SLC2A13: variants seen among roughly 807,000 people sequenced by gnomAD.
SLC2A13 encodes proton myo-inositol cotransporter.
Under a neutral mutation model 64.4 loss-of-function variants are expected in SLC2A13, and 32 were observed. That is an observed-to-expected ratio of 0.50 (90% CI 0.37 to 0.67). SLC2A13 has a LOEUF of 0.67. Among genes scored for constraint, SLC2A13 ranks in the 30% least tolerant of loss-of-function variants. The pLI is 0.00. For synonymous variants in SLC2A13, 338 were observed against 327.1 expected (o/e 1.03, Z -0.36); for missense variants, 743 against 829.2 (o/e 0.90, Z 1.28).
At chr12:40,023,078 T>C (rs1333302553) in intron 3 of SLC2A13, among the ~76,000 whole-genome samples, 1 of 152,228 alleles carries the variant, frequency 6.6e-6, no homozygotes, top group Non-Finnish European at 1.5e-5. Flanking sequence ...GCTGTCCTAA[T>C]AACCTCATTC....
At chr12:39,820,775 A>ATATC (rs1942481026) in intron 7 of SLC2A13, among the ~76,000 whole-genome samples, 1 of 50,378 alleles carries the variant, frequency 2.0e-5, no homozygotes, top group Admixed American at 2.3e-4. Flanking sequence ...ATATATATAT[A>ATATC]TAAAGCAACA....
intron 3 of SLC2A13, among the ~76,000 whole-genome samples, chr12:39,965,020 AG>A (rs1946483138): frequency 6.6e-6 from 1 of 152,204 alleles, no homozygotes; most frequent in Non-Finnish European, 1.5e-5. Context: ...ACAAATTTTC[AG>A]GAAAAAAACC....
Position 39,895,813 on chromosome 12 carries a change from T to C in SLC2A13, c.1035-23852A>G, listed in dbSNP as rs560893299. Among the ~76,000 whole-genome samples, 371 of 86,934 alleles carry C rather than the reference T, an allele frequency of 4.3e-3. 98 individuals carry two copies. Among genetic ancestry groups the C allele is most frequent in the African/African-American group, 0.019 (353 of 18,644 alleles). 57.0% of individuals were successfully genotyped at this position (86,934 alleles called of 152,430 possible). The stretch of plus-strand genomic sequence containing the variant: ...ACACACATGTATATGCGTGTATACG[T>C]ACACACATGTATATGCGTGTATATG... On this transcript the variant is annotated intron_variant, in intron 4 of 9. Transcript: ENST00000280871.
intron 3 of SLC2A13, among the ~76,000 whole-genome samples, chr12:39,986,493 C>A (rs1947033845): frequency 6.6e-6 from 1 of 151,640 alleles, no homozygotes; most frequent in South Asian, 2.1e-4. Context: ...CAGATTGATA[C>A]TTTTGTTAAA....
At chr12:40,078,755 C>G (rs1463768887) in intron 1 of SLC2A13, among the ~76,000 whole-genome samples, 1 of 152,176 alleles carries the variant, frequency 6.6e-6, no homozygotes, top group Non-Finnish European at 1.5e-5. Context: ...GTAAATCCCT[C>G]TGGTCCAGGG....
intron 4 of SLC2A13, among the ~76,000 whole-genome samples, chr12:39,891,653 G>C (rs1592247367): frequency 6.6e-6 from 1 of 152,060 alleles, no homozygotes; most frequent in East Asian, 1.9e-4. Flanking sequence ...AATCCTTAAG[G>C]TATGTATTAC....
chr12:39,838,406 G>T (rs1324888633), intron 6 of SLC2A13, among the ~76,000 whole-genome samples: 2 of 147,420 alleles, frequency 1.4e-5, no homozygotes, highest in Non-Finnish European at 3.0e-5. Flanking sequence ...ACGAGTTAGT[G>T]GGTGCAGCGC....
intron 4 of SLC2A13, among the ~76,000 whole-genome samples, chr12:39,926,088 G>A (rs1945724067): frequency 6.6e-6 from 1 of 152,092 alleles, no homozygotes; most frequent in Non-Finnish European, 1.5e-5. Flanking sequence ...CTGAAGCAAA[G>A]ATTATTGGAA....
chr12:39,804,802 A>G (rs1489628763), intron 7 of SLC2A13, among the ~76,000 whole-genome samples: 1 of 152,170 alleles, frequency 6.6e-6, no homozygotes, highest in Admixed American at 6.5e-5. Context: ...TTATATTTAC[A>G]TGTTAAATAT....
At chr12:39,877,461 C>T (rs533845276) in intron 4 of SLC2A13, among the ~76,000 whole-genome samples, 1 of 152,312 alleles carries the variant, frequency 6.6e-6, no homozygotes, top group Admixed American at 6.5e-5. Flanking sequence ...ATTACAGGAG[C>T]TACAATTCAA....
chr12:39,876,592 G>T (rs1944189843), intron 4 of SLC2A13, among the ~76,000 whole-genome samples: 1 of 152,072 alleles, frequency 6.6e-6, no homozygotes, highest in Admixed American at 6.6e-5. Context: ...ATAATAGAGA[G>T]GTAGAACATG....
intron 7 of SLC2A13, among the ~76,000 whole-genome samples, chr12:39,809,234 G>C (rs1019549072): frequency 4.6e-5 from 7 of 152,046 alleles, no homozygotes; most frequent in African/African-American, 1.7e-4. Flanking sequence ...TGCATATATG[G>C]ATCTATTTCT....
chr12:39,903,704 G>T (rs1304927942), intron 4 of SLC2A13, among the ~76,000 whole-genome samples: 1 of 152,062 alleles, frequency 6.6e-6, no homozygotes, highest in Non-Finnish European at 1.5e-5. Context: ...GAAGCAGCAG[G>T]CCCCAGAAAT....
In SLC2A13 at chr12:39,923,670, A is replaced by G. The variant is rs562092422; in HGVS notation, c.1034+27587T>C. 2.6e-3 allele frequency among the ~76,000 whole-genome samples: 336 copies of G among 128,702 alleles called. 3 individuals are homozygous for G. Among genetic ancestry groups the G allele is most frequent in the East Asian group, 2.5e-3 (12 of 4,884 alleles). The allele number at this position is 128,702 out of a possible 152,430, so 84.4% of individuals were successfully genotyped here. A position where few individuals can be genotyped will look rare whatever the true frequency, so the allele number is the denominator to read the frequency against. ...TCACAAATGTTATGTGATTATATGT[A>G]TATATATATATATATATGCGCACGC... On this transcript the variant is annotated intron_variant, in intron 4 of 9. Transcript: ENST00000280871.
rs900976405 is a variant in SLC2A13 at position 39,757,882 on chromosome 12, G to A, written c.*2144C>T. 6.6e-6 allele frequency: 1 copy of A among 152,136 alleles called. No homozygotes were observed. The highest frequency in any genetic ancestry group is 1.5e-5 in the Non-Finnish European group (1 of 67,660). The allele number at this position is 152,136 out of a possible 1,614,324, so 9.4% of individuals were successfully genotyped here. On this transcript the variant is annotated 3_prime_UTR_variant, in exon 10 of 10. Coordinates refer to ENST00000280871, the MANE Select transcript of SLC2A13 (RefSeq NM_052885.4). ...AAGGCTACATATACAATAAAGAGAA[G>A]GATTGAGGCAATTATTTTGATTAAG...
chr12:39,959,360 G>A (rs1273838224), intron 3 of SLC2A13, among the ~76,000 whole-genome samples: 1 of 152,182 alleles, frequency 6.6e-6, no homozygotes, highest in Non-Finnish European at 1.5e-5. Flanking sequence ...ATCCTCCAAG[G>A]CAATCAATTT....
At chr12:39,969,653 T>A (rs957412240) in intron 3 of SLC2A13, among the ~76,000 whole-genome samples, 16 of 152,208 alleles carry the variant, frequency 1.1e-4, no homozygotes, top group African/African-American at 3.4e-4. Context: ...GGTTGTTTGT[T>A]TTTTTCTTGT....
chr12:39,941,654 A>T (rs928517782), intron 4 of SLC2A13, among the ~76,000 whole-genome samples: 1 of 152,006 alleles, frequency 6.6e-6, no homozygotes, highest in Non-Finnish European at 1.5e-5. Context: ...TTCATTGTGG[A>T]TTCTGGATAT....
chr12:40,028,222 T>A (rs572662773), intron 3 of SLC2A13, 79 bp downstream of exon 3: 1 of 872,638 alleles, frequency 1.1e-6, no homozygotes, highest in East Asian at 2.6e-5. Flanking sequence ...AAATATATTA[T>A]ACACACACGC....
Sources: allele counts gnomAD v4.1 joint callset (sites outside exome capture counted in the v4.1 genomes callset), GRCh38; gene constraint gnomAD v4.1.1; transcripts MANE v1.5; gene names NCBI Gene and HGNC (gene_info 2026-07-23, HGNC 2026-07-21).